The following BACH2 variants were observed in gnomAD, a reference collection of about 807,000 sequenced individuals.
BACH2 encodes the protein BACH transcriptional regulator 2, also known as transcription regulator protein BACH2.
BACH2 carries 5 observed loss-of-function variants against 61.8 expected under a neutral mutation model. The observed-to-expected ratio is 0.08, with a 90% CI of 0.04 to 0.17. BACH2 has a LOEUF of 0.17. BACH2 is among the 10% of genes least tolerant of loss of function. The pLI is 1.00. For missense variants in BACH2, 824 were observed against 1,091.1 expected, an observed-to-expected ratio of 0.76 and a Z score of 3.45; for synonymous variants, 446 against 440.1, an observed-to-expected ratio of 1.01 and a Z score of -0.17.
At position 90,008,173 on chromosome 6, in the gene BACH2, CT is replaced by C. The variant is rs1379877287; in HGVS notation, c.243+428del. On this transcript the variant is annotated intron_variant, in intron 6 of 8. Coordinates refer to ENST00000257749, the MANE Select transcript of BACH2 (RefSeq NM_021813.4). The surrounding 1 kb of genome is among the most constrained non-coding windows in gnomAD (Gnocchi z 4.1). Reference sequence around the variant, plus strand: ...AATTAATGGTGAAAATTACTAGTTGCTTTTATTTTTCCCCCAAGCAAAGAAG... The same window carrying C: ...AATTAATGGTGAAAATTACTAGTTGCTTTATTTTTCCCCCAAGCAAAGAAG... The C allele has an allele frequency of 6.0e-6, 1 of 166,736 alleles. No homozygotes were observed. Among genetic ancestry groups the C allele is most frequent in the Non-Finnish European group, 1.3e-5 (1 of 76,374 alleles). The allele number at this position is 166,736 out of a possible 1,614,324, so 10.3% of individuals were successfully genotyped here. A position where few individuals can be genotyped will look rare whatever the true frequency, so the allele number is the denominator to read the frequency against.
chr6:89,986,545 C>T (rs1776250655), intron 6 of BACH2, among the ~76,000 whole-genome samples: 1 of 152,048 alleles, frequency 6.6e-6, no homozygotes, highest in African/African-American at 2.4e-5. Context: ...ATAATGAATA[C>T]ACATAATGGA....
intron 4 of BACH2, among the ~76,000 whole-genome samples, chr6:90,151,464 T>C (rs1457965424): frequency 6.6e-6 from 1 of 152,012 alleles, no homozygotes; most frequent in African/African-American, 2.4e-5. Context: ...AAAAACTAAA[T>C]TTTTTTTGTA....
At chr6:90,253,707 A>G (rs1210792748) in intron 2 of BACH2, among the ~76,000 whole-genome samples, 1 of 152,192 alleles carries the variant, frequency 6.6e-6, no homozygotes, top group Non-Finnish European at 1.5e-5. Flanking sequence ...ATGATGTCAA[A>G]GCATTTTTAA....
chr6:90,173,727 A>G (rs1384478462), intron 4 of BACH2, among the ~76,000 whole-genome samples: 1 of 152,186 alleles, frequency 6.6e-6, no homozygotes. Context: ...TGTGACGGAA[A>G]TATCTATAGC....
At chr6:90,274,559 C>T (rs1308558334) in intron 1 of BACH2, among the ~76,000 whole-genome samples, 1 of 152,170 alleles carries the variant, frequency 6.6e-6, no homozygotes, top group African/African-American at 2.4e-5. Context: ...GGTGCTGTAC[C>T]TTTATCACAG....
At chr6:90,209,297 C>T (rs1358237386) in intron 3 of BACH2, among the ~76,000 whole-genome samples, 3 of 152,164 alleles carry the variant, frequency 2.0e-5, no homozygotes, top group Non-Finnish European at 4.4e-5. Context: ...AGTACGAATA[C>T]ATCCAAACAT....
At chr6:90,257,597 G>A (rs550175006) in intron 2 of BACH2, among the ~76,000 whole-genome samples, 3 of 152,204 alleles carry the variant, frequency 2.0e-5, no homozygotes, top group South Asian at 2.1e-4. Context: ...AGTTGTATGA[G>A]TTCCTGATAA....
intron 5 of BACH2, among the ~76,000 whole-genome samples, chr6:90,081,583 A>G (rs1781723759): frequency 6.6e-6 from 1 of 152,192 alleles, no homozygotes; most frequent in Admixed American, 6.5e-5. Flanking sequence ...TATTACATAC[A>G]AGGACACAGA....
Position 90,010,893 on chromosome 6 carries a change from A to C in BACH2, c.-12-2037T>G, listed in dbSNP as rs79335022. On this transcript the variant is annotated intron_variant, in intron 5 of 8. Transcript: ENST00000257749. ...GACCTCTGTATATTTTCTTTGAAGA[A>C]ATGTCTATTTAGATTCTTTGCCCAT... Among the ~76,000 whole-genome samples the C allele has an allele frequency of 4.8e-3, 734 of 152,282 alleles. 3 individuals are homozygous for C. Among genetic ancestry groups the C allele is most frequent in the Non-Finnish European group, 8.2e-3 (561 of 68,020 alleles).
intron 5 of BACH2, among the ~76,000 whole-genome samples, chr6:90,086,634 GC>G (rs1027929668): frequency 3.3e-5 from 5 of 152,228 alleles, no homozygotes; most frequent in African/African-American, 1.2e-4. Context: ...TCCAGCAGGA[GC>G]CTGAAGCCAT....
chr6:90,077,324 C>G (rs1781516547), intron 5 of BACH2, among the ~76,000 whole-genome samples: 1 of 152,148 alleles, frequency 6.6e-6, no homozygotes, highest in South Asian at 2.1e-4. Context: ...GTACAGGGAA[C>G]AGAAGCTGTA....
rs147939603 is a variant in BACH2, at chr6:90,030,628, C to T, written c.-12-21772G>A. ...GAAGAAATGGATAAATTCCTTGACA[C>T]ATACACCCTCCCAAGACTAAACCAG... On this transcript the variant is annotated intron_variant, in intron 5 of 8. Transcript: ENST00000257749. Among the ~76,000 whole-genome samples the T allele has an allele frequency of 5.9e-3, 902 of 152,170 alleles. 51 individuals are homozygous for T. The East Asian group carries it at 0.14, about 23-fold the overall frequency.
intron 3 of BACH2, among the ~76,000 whole-genome samples, chr6:90,240,724 C>G (rs878957577): frequency 1.3e-5 from 2 of 152,120 alleles, no homozygotes; most frequent in Admixed American, 1.3e-4. Context: ...TTGTGGCTTT[C>G]TTAGAGTGAA....
At chr6:90,238,698 A>G (rs1770337964) in intron 3 of BACH2, among the ~76,000 whole-genome samples, 1 of 152,188 alleles carries the variant, frequency 6.6e-6, no homozygotes, top group Non-Finnish European at 1.5e-5. Flanking sequence ...CACAGCTGCT[A>G]ATATTCTGCA....
At chr6:90,078,440 C>G (rs1295434840) in intron 5 of BACH2, among the ~76,000 whole-genome samples, 1 of 152,112 alleles carries the variant, frequency 6.6e-6, no homozygotes, top group African/African-American at 2.4e-5. Context: ...AACAATCCCC[C>G]AGTTGGCATT....
intron 6 of BACH2, among the ~76,000 whole-genome samples, chr6:89,997,518 C>A (rs1023574575): frequency 2.6e-5 from 4 of 152,172 alleles, no homozygotes; most frequent in Admixed American, 1.3e-4. Context: ...AAGAATACTC[C>A]CACATAGACT....
intron 4 of BACH2, among the ~76,000 whole-genome samples, chr6:90,182,321 T>A (rs1160369416): frequency 6.6e-6 from 1 of 152,216 alleles, no homozygotes; most frequent in Non-Finnish European, 1.5e-5. Context: ...TCACATACTG[T>A]TCCTTCTATC....
chr6:90,001,580 A>C (rs1436733077), intron 6 of BACH2: 1 of 152,246 alleles, frequency 6.6e-6, no homozygotes, highest in Non-Finnish European at 1.5e-5. Flanking sequence ...GATTTGAGTC[A>C]GATGGATTTT....
chr6:90,171,633 A>G (rs929929258), intron 4 of BACH2, among the ~76,000 whole-genome samples: 5 of 152,320 alleles, frequency 3.3e-5, no homozygotes, highest in African/African-American at 1.2e-4. Context: ...TTAAGTTCAC[A>G]ATCAAAAATC....
Sources: gnomAD v4.1 joint callset for allele counts (sites outside exome capture counted in the v4.1 genomes callset) on GRCh38, gnomAD v4.1.1 for gene constraint, Gnocchi (gnomAD v3.1) non-coding constraint, MANE v1.5 for transcripts, NCBI Gene and HGNC (gene_info 2026-07-23, HGNC 2026-07-21) for gene names.